BRAF: variants seen among roughly 807,000 people sequenced by gnomAD.
The protein encoded by BRAF is B-Raf proto-oncogene, serine/threonine kinase.
A neutral mutation model predicts 104.6 loss-of-function variants in BRAF; 16 were observed. The observed-to-expected ratio is 0.15, with a 90% CI of 0.10 to 0.23. BRAF has a LOEUF of 0.23. Among genes scored for constraint, BRAF ranks in the 10% least tolerant of loss-of-function variants. The pLI, the probability that BRAF is intolerant of heterozygous loss-of-function variation, is 1.00. For synonymous variants in BRAF, 310 were observed against 341.6 expected, an observed-to-expected ratio of 0.91 and a Z score of 1.02; for missense variants, 541 against 937.3, an observed-to-expected ratio of 0.58 and a Z score of 5.52.
chr7:140,787,631 CAG>C (rs776296485), intron 8 of BRAF, 47 bp from the exon 9 acceptor site: 63 of 1,519,790 alleles, frequency 4.1e-5, no homozygotes, highest in Admixed American at 5.0e-5. Flanking sequence ...AGCATATAAT[CAG>C]AGAGTAGCGA....
rs1440218109 is a variant in BRAF at position 140,924,559 on chromosome 7, C to A, written c.138+7G>T. 25 of 1,532,622 alleles carry A rather than the reference C, an allele frequency of 1.6e-5. 1 individual carries two copies. The highest frequency in any genetic ancestry group is 1.3e-5 in the Non-Finnish European group (15 of 1,145,754). The allele number at this position is 1,532,622 out of a possible 1,614,324, so 94.9% of individuals were successfully genotyped here. A position where few individuals can be genotyped will look rare whatever the true frequency, so the allele number is the denominator to read the frequency against. ...CGGGAGGGCGGCAGGGTGGCGCCAGCACTCACCTCCTCCGGAATGGCAGGG... is the reference window on the plus strand; with the variant it reads ...CGGGAGGGCGGCAGGGTGGCGCCAGAACTCACCTCCTCCGGAATGGCAGGG... On this transcript the variant is annotated splice_region_variant and intron_variant, in intron 1 of 19. Coordinates refer to ENST00000644969, the MANE Select transcript of BRAF (RefSeq NM_001374258.1). The surrounding 1 kb of genome is among the most constrained non-coding windows in gnomAD (Gnocchi z 4.2).
chr7:140,869,488 C>G (rs1043539140), intron 1 of BRAF, among the ~76,000 whole-genome samples: 2 of 152,078 alleles, frequency 1.3e-5, no homozygotes, highest in African/African-American at 4.8e-5. Flanking sequence ...CAAAAAATAG[C>G]CAGGCATGGT....
intron 1 of BRAF, among the ~76,000 whole-genome samples, chr7:140,853,848 TCCCACTCC>T (rs1410356379): frequency 3.9e-5 from 6 of 152,226 alleles, no homozygotes; most frequent in African/African-American, 1.4e-4. Context: ...GTGTGTGTCT[TCCCACTCC>T]CCAACAGAAT....
intron 3 of BRAF, among the ~76,000 whole-genome samples, 196 bp from the exon 4 acceptor site, chr7:140,809,191 C>T (rs1440447324): frequency 1.3e-5 from 2 of 151,964 alleles, no homozygotes; most frequent in Non-Finnish European, 2.9e-5. Flanking sequence ...CAACTTAAAT[C>T]AAAGCAAAGT....
chr7:140,715,651 G>A (rs1795115709), downstream of BRAF, among the ~76,000 whole-genome samples: 1 of 152,124 alleles, frequency 6.6e-6, no homozygotes. Context: ...GGCCATGGAG[G>A]GAATTGTTCC....
chr7:140,769,479 T>C (rs1452330603), intron 14 of BRAF, among the ~76,000 whole-genome samples: 1 of 152,232 alleles, frequency 6.6e-6, no homozygotes, highest in African/African-American at 2.4e-5. Flanking sequence ...TTTACATATA[T>C]ACATACACAC....
chr7:140,730,993 G>A (rs1472101256), intron 19 of BRAF: 3 of 151,906 alleles, frequency 2.0e-5, no homozygotes, highest in African/African-American at 2.4e-5. Flanking sequence ...GACATTCTTC[G>A]TCATGACTTT....
intron 9 of BRAF, among the ~76,000 whole-genome samples, chr7:140,787,314 A>AC (rs1156440941): frequency 4.0e-5 from 6 of 151,424 alleles, no homozygotes; most frequent in African/African-American, 1.5e-4. Context: ...AAAAAAAAAA[A>AC]AAAAAAAAAA....
intron 2 of BRAF, among the ~76,000 whole-genome samples, chr7:140,848,259 A>G (rs1159661900): frequency 6.6e-6 from 1 of 152,204 alleles, no homozygotes; most frequent in Non-Finnish European, 1.5e-5. Flanking sequence ...GATCAAGAAC[A>G]CAGATTTCTG....
chr7:140,734,431 A>G, intron 19 of BRAF: 3 of 1,525,574 alleles, frequency 2.0e-6, no homozygotes, highest in Non-Finnish European at 2.6e-6. Flanking sequence ...GTTAAGTATA[A>G]ATTTTAGTTT....
At chr7:140,852,463 C>T (rs1185971150) in intron 1 of BRAF, among the ~76,000 whole-genome samples, 1 of 151,648 alleles carries the variant, frequency 6.6e-6, no homozygotes, top group Non-Finnish European at 1.5e-5. Context: ...CATCTCAGAT[C>T]TACTGAACTT....
chr7:140,884,184 T>C (rs1285362053), intron 1 of BRAF: 2 of 151,928 alleles, frequency 1.3e-5, no homozygotes, highest in South Asian at 2.1e-4. Context: ...TTTTTAAAAA[T>C]TAAAAAATTT....
intron 1 of BRAF, among the ~76,000 whole-genome samples, chr7:140,873,115 T>G (rs967648177): frequency 6.0e-5 from 9 of 151,250 alleles, no homozygotes; most frequent in African/African-American, 2.2e-4. Flanking sequence ...ATTTCAGTGC[T>G]CTGGACTTCA....
chr7:140,823,128 G>A (rs925943524), intron 3 of BRAF, among the ~76,000 whole-genome samples: 3 of 152,068 alleles, frequency 2.0e-5, no homozygotes, highest in East Asian at 3.9e-4. Flanking sequence ...CCAGCCTAAC[G>A]TTTTACATAA....
Position 140,828,045 on chromosome 7 carries a change from G to A in BRAF, c.504+6564C>T, listed in dbSNP as rs997198773. The stretch of plus-strand genomic sequence containing the variant: ...CCAAATAGCTGGGTTACAGGCATGC[G>A]GCACCACACCCGGCCAATTTTGTAT... On this transcript the variant is annotated intron_variant, in intron 3 of 19. Transcript: ENST00000644969. Among the ~76,000 whole-genome samples, 6 of 152,038 alleles carry A rather than the reference G, an allele frequency of 3.9e-5. No individual in the cohort carries two copies. The Middle Eastern group carries it at 0.01, about 260-fold the overall frequency.
At chr7:140,906,087 C>CAAAAAAAAAAAA (rs61150735) in intron 1 of BRAF, among the ~76,000 whole-genome samples, 509 of 44,620 alleles carry the variant, frequency 0.011, 18 homozygotes, top group African/African-American at 0.023. Flanking sequence ...GACTCCGTCT[C>CAAAAAAAAAAAA]AAAAAAAAAA....
chr7:140,835,171 T>A, intron 2 of BRAF: 1 of 332,716 alleles, frequency 3.0e-6, no homozygotes, highest in Non-Finnish European at 5.6e-6. Context: ...TCTGGTCCAC[T>A]TATATTTACC....
At chr7:140,911,560 C>T (rs957639706) in intron 1 of BRAF, among the ~76,000 whole-genome samples, 1 of 152,066 alleles carries the variant, frequency 6.6e-6, no homozygotes, top group African/African-American at 2.4e-5. Flanking sequence ...AAGCTTCCTA[C>T]AATAAACGGT....
chr7:140,729,741 G>A (rs1795830598), intron 19 of BRAF, among the ~76,000 whole-genome samples: 1 of 152,116 alleles, frequency 6.6e-6, no homozygotes, highest in African/African-American at 2.4e-5. Context: ...TCACACCACT[G>A]CACTCCAGCC....
Sources: gnomAD v4.1 joint callset for allele counts (sites outside exome capture counted in the v4.1 genomes callset) on GRCh38, gnomAD v4.1.1 for gene constraint, Gnocchi (gnomAD v3.1) non-coding constraint, MANE v1.5 for transcripts, NCBI Gene and HGNC (gene_info 2026-07-23, HGNC 2026-07-21) for gene names.